SFSWAP: variants seen among roughly 807,000 people sequenced by gnomAD.
SFSWAP encodes splicing factor SWAP.
SFSWAP carries 17 observed loss-of-function variants against 100.7 expected under a neutral mutation model. The observed-to-expected ratio is 0.17, with a 90% CI of 0.12 to 0.25. SFSWAP has a LOEUF of 0.25. Ranked by LOEUF, SFSWAP falls within the 10% of genes least tolerant of loss-of-function variation. The pLI is 1.00. For missense variants in SFSWAP, 1,005 were observed against 1,262.6 expected, an observed-to-expected ratio of 0.80 and a Z score of 3.09; for synonymous variants, 504 against 510.1, an observed-to-expected ratio of 0.99 and a Z score of 0.16.
At chr12:131,769,447 G>A (rs542075540) in intron 13 of SFSWAP, among the ~76,000 whole-genome samples, 20 of 152,212 alleles carry the variant, frequency 1.3e-4, no homozygotes, top group Admixed American at 8.5e-4. Context: ...ATGACTATAC[G>A]TGTATGTCGT....
At chr12:131,781,367 A>G (rs1466373190) in intron 14 of SFSWAP, among the ~76,000 whole-genome samples, 1 of 150,786 alleles carries the variant, frequency 6.6e-6, no homozygotes, top group African/African-American at 2.4e-5. Flanking sequence ...CCTCCCGAGT[A>G]GCTGGGACTA....
intron 14 of SFSWAP, chr12:131,783,877 G>C (rs1429940844): frequency 6.8e-6 from 1 of 146,240 alleles, no homozygotes; most frequent in Non-Finnish European, 1.5e-5. Flanking sequence ...GGAGACTGGG[G>C]ATTTGGAAGA....
At chr12:131,747,843 G>A (rs1272044094) in intron 7 of SFSWAP, among the ~76,000 whole-genome samples, 7 of 152,356 alleles carry the variant, frequency 4.6e-5, no homozygotes, top group Non-Finnish European at 1.0e-4. Flanking sequence ...GGTGGTTAAT[G>A]CACAAGTTCA....
At chr12:131,797,105 G>T in intron 15 of SFSWAP, 73 bp from the exon 16 acceptor site, 2 of 1,425,510 alleles carry the variant, frequency 1.4e-6, no homozygotes, top group Non-Finnish European at 1.9e-6. Flanking sequence ...AACTGGCTCA[G>T]ATCCGAGCTT....
intron 14 of SFSWAP, among the ~76,000 whole-genome samples, chr12:131,779,308 G>A (rs1040560598): frequency 1.1e-4 from 17 of 151,470 alleles, no homozygotes; most frequent in South Asian, 2.1e-4. Flanking sequence ...TGAAGAGGGC[G>A]GCGCTGGTGC....
chr12:131,732,727 C>G (rs1288430091), intron 7 of SFSWAP, among the ~76,000 whole-genome samples: 1 of 152,216 alleles, frequency 6.6e-6, no homozygotes, highest in Non-Finnish European at 1.5e-5. Flanking sequence ...GCATGCATAG[C>G]TTTGTTTCTT....
chr12:131,770,606 CCTTT>C, intron 13 of SFSWAP, among the ~76,000 whole-genome samples: 1 of 112,782 alleles, frequency 8.9e-6, no homozygotes, highest in Non-Finnish European at 2.0e-5. Context: ...GAGGAGAGGT[CCTTT>C]CTTTCTTGTG....
intron 13 of SFSWAP, among the ~76,000 whole-genome samples, chr12:131,771,544 T>C (rs903055342): frequency 4.6e-5 from 7 of 152,164 alleles, no homozygotes; most frequent in African/African-American, 1.2e-4. Flanking sequence ...TATTTCTTCA[T>C]GTCCCTGTCG....
rs1025257364 is a variant in SFSWAP at position 131,734,581 on chromosome 12, G to A, written c.1081+6153G>A. 1.4e-4 allele frequency among the ~76,000 whole-genome samples: 22 copies of A among 152,194 alleles called. No homozygotes were observed. The highest frequency in any genetic ancestry group is 1.9e-4 in the African/African-American group (8 of 41,432). ...GCATGTTTGAATGCCCTGTGGACCC[G>A]GAGCTCTGTGAGGCAAAGGCTGGGA... On this transcript the variant is annotated intron_variant, in intron 7 of 17. Transcript: ENST00000261674. This position sits in a 1 kb window ranked among gnomAD's most constrained non-coding sequence, Gnocchi z 4.9.
intron 9 of SFSWAP, among the ~76,000 whole-genome samples, chr12:131,754,796 G>T (rs980280731): frequency 2.6e-5 from 4 of 151,706 alleles, no homozygotes; most frequent in African/African-American, 9.7e-5. Flanking sequence ...ACCACGCCTG[G>T]TTAATTTTTG....
chr12:131,723,865 G>T (rs990070569), intron 4 of SFSWAP, among the ~76,000 whole-genome samples: 2 of 152,210 alleles, frequency 1.3e-5, no homozygotes, highest in Non-Finnish European at 2.9e-5. Flanking sequence ...TAAACAAAAG[G>T]CTTCCCCACT....
intron 15 of SFSWAP, among the ~76,000 whole-genome samples, chr12:131,789,213 C>CT (rs2136274530): frequency 6.6e-6 from 1 of 152,278 alleles, no homozygotes; most frequent in Non-Finnish European, 1.5e-5. Context: ...AAATCCTGAG[C>CT]TCAAGCAGTC....
At chr12:131,798,184 A>G (rs1275506839) in intron 16 of SFSWAP, among the ~76,000 whole-genome samples, 3 of 152,082 alleles carry the variant, frequency 2.0e-5, no homozygotes, top group Non-Finnish European at 4.4e-5. Flanking sequence ...CGCGTCTGTA[A>G]TCCCAGCTAC....
chr12:131,738,707 A>G (rs1354972116), intron 7 of SFSWAP, among the ~76,000 whole-genome samples: 2 of 152,020 alleles, frequency 1.3e-5, no homozygotes. Context: ...TTTGCATTTA[A>G]TATATCTCGA....
intron 7 of SFSWAP, among the ~76,000 whole-genome samples, chr12:131,735,711 A>G (rs1879948120): frequency 6.6e-6 from 1 of 152,256 alleles, no homozygotes; most frequent in Non-Finnish European, 1.5e-5. Context: ...CAGCGAGCAG[A>G]GCCCTGACTT....
intron 7 of SFSWAP, among the ~76,000 whole-genome samples, chr12:131,736,710 T>C (rs1051934731): frequency 6.6e-6 from 1 of 152,204 alleles, no homozygotes; most frequent in Admixed American, 6.5e-5. Context: ...CAGAACACTG[T>C]GCAGGTCTAA....
At chr12:131,754,276 G>A (rs1418937672) in intron 8 of SFSWAP, 92 bp from the exon 9 acceptor site, 4 of 950,304 alleles carry the variant, frequency 4.2e-6, no homozygotes, top group African/African-American at 3.4e-5. Flanking sequence ...ATGTCTCTCC[G>A]GGCATCTGAG....
intron 14 of SFSWAP, among the ~76,000 whole-genome samples, chr12:131,782,422 A>G (rs1260248771): frequency 6.6e-6 from 1 of 152,200 alleles, no homozygotes; most frequent in Non-Finnish European, 1.5e-5. Context: ...AATTTTAACC[A>G]AAATATTGAA....
intron 13 of SFSWAP, among the ~76,000 whole-genome samples, chr12:131,775,778 G>T (rs1258207197): frequency 1.3e-5 from 2 of 152,106 alleles, no homozygotes; most frequent in Admixed American, 1.3e-4. Context: ...ACGTTTGTGT[G>T]TTAGAATTAT....
Sources: allele counts gnomAD v4.1 joint callset (sites outside exome capture counted in the v4.1 genomes callset), GRCh38; gene constraint gnomAD v4.1.1; non-coding constraint Gnocchi (gnomAD v3.1); transcripts MANE v1.5; gene names NCBI Gene and HGNC (gene_info 2026-07-23, HGNC 2026-07-21).